Variants in BSN observed in about 807,000 individuals in gnomAD.
BSN encodes the protein bassoon presynaptic cytomatrix protein.
Under a neutral mutation model 264.8 loss-of-function variants are expected in BSN, and 57 were observed. The ratio of observed to expected loss-of-function variants is 0.22; its 90% CI spans 0.17 to 0.27. The LOEUF (loss-of-function observed/expected upper bound fraction) is 0.27, where lower values mean the gene tolerates loss of function less well. Among genes scored for constraint, BSN ranks in the 10% least tolerant of loss-of-function variants. The pLI, the probability that BSN is intolerant of heterozygous loss-of-function variation, is 1.00. For missense variants in BSN, 4,615 were observed against 5,232.5 expected, an observed-to-expected ratio of 0.88 and a Z score of 3.64; for synonymous variants, 2,059 against 2,137.3, an observed-to-expected ratio of 0.96 and a Z score of 1.01.
chr3:49,661,214 C>T lies in BSN; in HGVS notation c.9369C>T (p.Pro3123=). The change falls in exon 6 of 12, where the codon CCC becomes CCT. Residue 3123 remains proline (P), a synonymous_variant. Coordinates refer to ENST00000296452, the MANE Select transcript of BSN (RefSeq NM_003458.4). The part of the protein sequence containing the change: ...RPTGHYAGQT[P]MPTTQSTLFP... ...CAGGCCACTATGCAGGCCAAACACC[C>T]ATGCCAACCACACAGAGCACCCTTT... 1 of 1,613,722 alleles carries T rather than the reference C, an allele frequency of 6.2e-7. No individual in the cohort carries two copies. Among genetic ancestry groups the T allele is most frequent in the Non-Finnish European group, 8.5e-7 (1 of 1,180,040 alleles).
At chr3:49,591,346 AAG>A (rs1395348307) in intron 1 of BSN, among the ~76,000 whole-genome samples, 3 of 152,222 alleles carry the variant, frequency 2.0e-5, no homozygotes, top group Admixed American at 1.3e-4. Context: ...AAGAGAGTAA[AAG>A]AGATGAAATA....
intron 2 of BSN, among the ~76,000 whole-genome samples, chr3:49,626,277 G>A (rs1575441306): frequency 6.6e-6 from 1 of 152,326 alleles, no homozygotes; most frequent in East Asian, 1.9e-4. Flanking sequence ...GGATAGGATG[G>A]AGAGAGGCTG....
At chr3:49,664,735 T>C (rs2052699134) in intron 9 of BSN, 64 bp from the exon 10 acceptor site, 1 of 1,592,886 alleles carries the variant, frequency 6.3e-7, no homozygotes, top group African/African-American at 1.3e-5. Flanking sequence ...CTATGCCAAG[T>C]GGCCCTGACT....
intron 1 of BSN, among the ~76,000 whole-genome samples, chr3:49,605,484 ATATATAT>A (rs2052113298): frequency 3.6e-4 from 3 of 8,346 alleles, no homozygotes; most frequent in African/African-American, 1.2e-3. Context: ...ATATTATATA[ATATATAT>A]TATATATAAT....
chr3:49,638,909 C>T lies in BSN; in HGVS notation c.634-3359C>T, dbSNP rs888057395. Among the ~76,000 whole-genome samples the T allele has an allele frequency of 3.9e-5, 6 of 152,158 alleles. No individual in the cohort carries two copies. Among genetic ancestry groups the T allele is most frequent in the African/African-American group, 1.4e-4 (6 of 41,418 alleles). On this transcript the variant is annotated intron_variant, in intron 2 of 11. Transcript: ENST00000296452. The surrounding 1 kb of genome is among the most constrained non-coding windows in gnomAD (Gnocchi z 4.3). Reference sequence around the variant, plus strand: ...GCCCAGGTGAATGAGAGAGATGGGACGTTGGGTGTGGGCTGGGCACCCACG... The same window carrying T: ...GCCCAGGTGAATGAGAGAGATGGGATGTTGGGTGTGGGCTGGGCACCCACG...
intron 1 of BSN, among the ~76,000 whole-genome samples, chr3:49,609,351 C>T (rs148995906): frequency 4.6e-4 from 70 of 152,024 alleles, no homozygotes; most frequent in Non-Finnish European, 9.0e-4. Context: ...GATCCTCCCA[C>T]CTCAGCCTCC....
chr3:49,574,935 G>T (rs1181863042), intron 1 of BSN, among the ~76,000 whole-genome samples: 1 of 151,928 alleles, frequency 6.6e-6, no homozygotes, highest in Non-Finnish European at 1.5e-5. Flanking sequence ...ACCGCACCCA[G>T]CTGGTGTCCC....
chr3:49,606,030 A>G (rs1253619010), intron 1 of BSN, among the ~76,000 whole-genome samples: 14 of 92,720 alleles, frequency 1.5e-4, no homozygotes, highest in Non-Finnish European at 2.0e-4. Context: ...ATATTTATAT[A>G]CATAATATAT....
Position 49,661,027 on chromosome 3 carries a change from C to T in BSN, c.9182C>T (p.Pro3061Leu). Residue 3061 changes from proline to leucine, a missense_variant, in exon 6 of 12, where the codon CCA (proline) becomes CTA (leucine). Pro to Leu is a moderately conservative substitution (Grantham distance 98, BLOSUM62 -3). This residue lies in a region of BSN where 3,415 missense variants were observed against 3,866.4 expected (regional missense o/e 0.88). Coordinates refer to ENST00000296452, the MANE Select transcript of BSN (RefSeq NM_003458.4). ...CAGCCCCGCTTCCAGCCTCCAGCCC[C>T]ACAGTATTCTGCAGGCAGTGGTGGG... ...FQQPRFQPPAPQYSAGSGGPT... is the reference protein window; with the variant it reads ...FQQPRFQPPALQYSAGSGGPT... 1 of 1,611,458 alleles carries T rather than the reference C, an allele frequency of 6.2e-7. No individual in the cohort carries two copies. Among genetic ancestry groups the T allele is most frequent in the Non-Finnish European group, 8.5e-7 (1 of 1,179,880 alleles).
chr3:49,641,386 C>G (rs188161689), intron 2 of BSN, among the ~76,000 whole-genome samples: 139 of 152,344 alleles, frequency 9.1e-4, no homozygotes, highest in Non-Finnish European at 1.7e-3. Flanking sequence ...GACCCTCTCT[C>G]CTGTTGTTCA....
Position 49,655,412 on chromosome 3 carries a change from C to G in BSN, c.5856C>G (p.Pro1952=). 6.4e-7 allele frequency: 1 copy of G among 1,571,014 alleles called. No homozygotes were observed. The highest frequency in any genetic ancestry group is 1.2e-5 in the South Asian group (1 of 83,390). Residue 1952 remains proline (P), a synonymous_variant, in exon 5 of 12, where the codon CCC becomes CCG. Coordinates refer to ENST00000296452, the MANE Select transcript of BSN (RefSeq NM_003458.4). ...YGPRDPEPPE[P]PTYRAQGVVG... Reference sequence around the variant, plus strand: ...CCCGGGACCCTGAGCCTCCTGAGCCCCCAACCTACCGGGCACAGGGGGTGG... The same window carrying G: ...CCCGGGACCCTGAGCCTCCTGAGCCGCCAACCTACCGGGCACAGGGGGTGG...
At position 49,652,299 on chromosome 3, in the gene BSN, G is replaced by T; in HGVS notation, c.2743G>T (p.Ala915Ser). ...GGAGCTGCTCCCTGAGGGAGGCTCA[G>T]CAGAGGCTACCGATGGCAGTGGGAC... ...YEELLPEGGS[A>S]EATDGSGTLQ... is the part of the protein sequence containing the mutation. The change falls in exon 5 of 12, where the codon GCA (alanine) becomes TCA (serine). Residue 915 changes from alanine (A) to serine (S), a missense_variant. This residue lies in a region of BSN where 1,197 missense variants were observed against 1,348.0 expected (regional missense o/e 0.89). Transcript: ENST00000296452. The T allele has an allele frequency of 6.3e-7, 1 of 1,597,308 alleles. No homozygotes were observed. Among genetic ancestry groups the T allele is most frequent in the Non-Finnish European group, 8.5e-7 (1 of 1,170,990 alleles).
chr3:49,662,316 A>T lies in BSN; in HGVS notation c.10471A>T (p.Ser3491Cys), dbSNP rs755226091. The change falls in exon 6 of 12, where the codon AGC becomes TGC. Residue 3491 changes from serine (S) to cysteine (C), a missense_variant. Ser to Cys is a moderately radical substitution (Grantham distance 112). Around this residue, in one of 3 missense-constraint regions of BSN, gnomAD observed 3,415 missense variants for 3,866.4 expected, o/e 0.88. Transcript: ENST00000296452. ...GCCCTCATCCCTAAGTATGGCCCACAGCCGGGTACGACCCCCCATGCGGAG... is the reference window on the plus strand; with the variant it reads ...GCCCTCATCCCTAAGTATGGCCCACTGCCGGGTACGACCCCCCATGCGGAG... ...PKPSSLSMAH[S>C]RVRPPMRSQA... 1.9e-6 allele frequency: 3 copies of T among 1,613,770 alleles called. No homozygotes were observed. In the Admixed American group the frequency reaches 5.0e-5, roughly 27 times the overall value.
chr3:49,561,459 AG>A (rs2051711259), intron 1 of BSN, among the ~76,000 whole-genome samples: 1 of 152,204 alleles, frequency 6.6e-6, no homozygotes, highest in African/African-American at 2.4e-5. Context: ...CTTGGGAGAA[AG>A]GGTAGGTGAG....
intron 1 of BSN, among the ~76,000 whole-genome samples, chr3:49,586,056 C>T (rs1427089818): frequency 6.6e-6 from 1 of 151,808 alleles, no homozygotes; most frequent in Non-Finnish European, 1.5e-5. Context: ...TAGGTTGTTC[C>T]TTCACTTTTT....
At chr3:49,569,584 C>T (rs1367518659) in intron 1 of BSN, among the ~76,000 whole-genome samples, 2 of 152,188 alleles carry the variant, frequency 1.3e-5, no homozygotes, top group Non-Finnish European at 2.9e-5. Context: ...AGCTCTGACT[C>T]AGTGGGGGAC....
Position 49,656,843 on chromosome 3 carries a change from G to A in BSN, c.7287G>A (p.Gln2429=). The A allele has an allele frequency of 6.2e-7, 1 of 1,601,528 alleles. No homozygotes were observed. The highest frequency in any genetic ancestry group is 8.5e-7 in the Non-Finnish European group (1 of 1,174,654). Residue 2429 remains glutamine (Q), a synonymous_variant, in exon 5 of 12, where the codon CAG becomes CAA. Coordinates refer to ENST00000296452, the MANE Select transcript of BSN (RefSeq NM_003458.4). ...CCATCAAGCACCATGTGCTGCAGCAGCAGCAAGAGGAACGCCAGGCTCAAT... is the reference window on the plus strand; with the variant it reads ...CCATCAAGCACCATGTGCTGCAGCAACAGCAAGAGGAACGCCAGGCTCAAT... ...LQTIKHHVLQ[Q]QQEERQAQFA...
Position 49,662,541 on chromosome 3 carries a change from T to G in BSN, c.10696T>G (p.Cys3566Gly). ...EEGYILDDSHCVVSDSEAYHL... is the reference protein window; with the variant it reads ...EEGYILDDSHGVVSDSEAYHL... ...GGGCTACATCCTGGATGATTCCCAT[T>G]GCGTGGTTTCCGACAGCGAAGGTAA... is the stretch of plus-strand genomic sequence containing the variant. The change falls in exon 6 of 12, where the codon TGC (cysteine) becomes GGC (glycine). Residue 3566 changes from cysteine to glycine, a missense_variant. Around this residue, in one of 3 missense-constraint regions of BSN, gnomAD observed 3,415 missense variants for 3,866.4 expected, o/e 0.88. Coordinates refer to ENST00000296452, the MANE Select transcript of BSN (RefSeq NM_003458.4). The G allele has an allele frequency of 6.3e-7, 1 of 1,593,310 alleles. No individual in the cohort carries two copies. Among genetic ancestry groups the G allele is most frequent in the Middle Eastern group, 1.7e-4 (1 of 5,946 alleles).
intron 1 of BSN, among the ~76,000 whole-genome samples, chr3:49,562,390 TG>T (rs1325441307): frequency 1.3e-5 from 2 of 152,180 alleles, no homozygotes; most frequent in Non-Finnish European, 2.9e-5. Context: ...GCCCATGGTG[TG>T]GGGAGAGAGA....
Sources: allele counts gnomAD v4.1 joint callset (sites outside exome capture counted in the v4.1 genomes callset), GRCh38; gene constraint gnomAD v4.1.1; regional missense constraint gnomAD v4.1.1; non-coding constraint Gnocchi (gnomAD v3.1); transcripts MANE v1.5; gene names NCBI Gene and HGNC (gene_info 2026-07-23, HGNC 2026-07-21).